The following TTLL10 variants were observed in gnomAD, a reference collection of about 807,000 sequenced individuals.
TTLL10 encodes the protein inactive polyglycylase TTLL10.
TTLL10 carries 61 observed loss-of-function variants against 69.0 expected under a neutral mutation model. The ratio of observed to expected loss-of-function variants is 0.88; its 90% CI spans 0.72 to 1.09. The LOEUF is 1.09. Ranked by LOEUF, TTLL10 falls within the 50% of genes least tolerant of loss-of-function variation. TTLL10 has a pLI of 0.00. For missense variants in TTLL10, 962 were observed against 945.9 expected (o/e 1.02, Z -0.22); for synonymous variants, 408 against 393.3 (o/e 1.04, Z -0.44).
chr1:1,178,300 C>T (rs1646935404), intron 3 of TTLL10, among the ~76,000 whole-genome samples: 1 of 152,178 alleles, frequency 6.6e-6, no homozygotes, highest in African/African-American at 2.4e-5. Flanking sequence ...TGGCTCACAC[C>T]TGTTATCCCA....
At chr1:1,183,378 G>A (rs1453742902) in intron 11 of TTLL10, among the ~76,000 whole-genome samples, 3 of 152,170 alleles carry the variant, frequency 2.0e-5, no homozygotes, top group African/African-American at 7.2e-5. Context: ...GCAGCCTTCA[G>A]GCCTATGGCC....
At chr1:1,191,858 T>C (rs1015036841) in intron 13 of TTLL10, among the ~76,000 whole-genome samples, 1 of 152,278 alleles carries the variant, frequency 6.6e-6, no homozygotes, top group Admixed American at 6.5e-5. Context: ...GTTGGGCTAG[T>C]TAACTGCATC....
chr1:1,194,904 C>T lies in TTLL10; in HGVS notation c.1402-1696C>T, dbSNP rs557174435. Among the ~76,000 whole-genome samples the T allele has an allele frequency of 9.2e-5, 14 of 152,334 alleles. No individual in the cohort carries two copies. In the South Asian group the frequency reaches 2.9e-3, roughly 32 times the overall value. On this transcript the variant is annotated intron_variant, in intron 13 of 15. Transcript: ENST00000379289. Reference sequence around the variant, plus strand: ...TTCTGCTCCTTTCTCTTCTCTCCTTCTGGGACTCCCATTATGCATATGTTG... The same window carrying T: ...TTCTGCTCCTTTCTCTTCTCTCCTTTTGGGACTCCCATTATGCATATGTTG...
At chr1:1,195,228 C>T (rs1011991858) in intron 13 of TTLL10, among the ~76,000 whole-genome samples, 16 of 152,034 alleles carry the variant, frequency 1.1e-4, no homozygotes, top group African/African-American at 2.7e-4. Context: ...TGACCTCAAG[C>T]GATCCCCCTG....
intron 13 of TTLL10, among the ~76,000 whole-genome samples, chr1:1,189,475 A>G (rs1272452269): frequency 1.3e-5 from 2 of 152,206 alleles, no homozygotes; most frequent in Non-Finnish European, 2.9e-5. Flanking sequence ...AAATTTAAAT[A>G]TGCTGTTGGA....
intron 7 of TTLL10, 37 bp from the exon 8 acceptor site, chr1:1,180,694 C>A (rs771073026): frequency 6.3e-7 from 1 of 1,583,810 alleles, no homozygotes. Context: ...CGAGGTCCTG[C>A]GCTCCCTCCA....
intron 15 of TTLL10, 63 bp from the exon 16 acceptor site, chr1:1,197,375 T>TCCCCCCCCCC: frequency 1.4e-5 from 3 of 213,418 alleles, no homozygotes; most frequent in African/African-American, 1.2e-4. Flanking sequence ...CCTCACACCC[T>TCCCCCCCCCC]CCCCACCCCC....
In TTLL10 at chr1:1,184,574, G is replaced by A. The variant is rs549786785; in HGVS notation, c.1261-395G>A. On this transcript the variant is annotated intron_variant, in intron 12 of 15. Transcript: ENST00000379289. ...GGTCTCAGCGGATGAAGGTTTTTGT[G>A]GGAGGGTCTTTGCAGGCAGGTCAGG... 4.6e-4 allele frequency among the ~76,000 whole-genome samples: 70 copies of A among 152,338 alleles called. 1 individual carries two copies. The highest frequency in any genetic ancestry group is 3.4e-3 in the Middle Eastern group (1 of 294).
Position 1,183,925 on chromosome 1 carries a change from T to C in TTLL10, c.1094T>C (p.Ile365Thr). 6.2e-7 allele frequency: 1 copy of C among 1,614,122 alleles called. No individual in the cohort carries two copies. The highest frequency in any genetic ancestry group is 8.5e-7 in the Non-Finnish European group (1 of 1,180,018). The part of the protein sequence containing the change: ...GPQARVVQRY[I>T]QNPLLVDGRK... ...CCCCGACATGGTGCCCCCAGGTACA[T>C]CCAGAACCCGCTGCTGGTGGACGGG... The change falls in exon 12 of 16, where the codon ATC (isoleucine) becomes ACC (threonine). Residue 365 changes from isoleucine to threonine, a missense_variant. By Grantham distance (89) the Ile-to-Thr change is moderately conservative. Transcript: ENST00000379289.
At position 1,181,791 on chromosome 1, in the gene TTLL10, G is replaced by A. The variant is rs762543030; in HGVS notation, c.806G>A (p.Ser269Asn). ...APALEDLPWT[S>N]PGYLRPQRVL... ...GCCCTGGAGGACCTCCCGTGGACAAGCCCAGGATACCTCAGGCCACAGAGG... is the reference window on the plus strand; with the variant it reads ...GCCCTGGAGGACCTCCCGTGGACAAACCCAGGATACCTCAGGCCACAGAGG... Residue 269 changes from serine (S) to asparagine (N), a missense_variant, in exon 9 of 16, where the codon AGC (serine) becomes AAC (asparagine). Coordinates refer to ENST00000379289, the MANE Select transcript of TTLL10 (RefSeq NM_001130045.2). The surrounding 1 kb of genome is among the most constrained non-coding windows in gnomAD (Gnocchi z 4.6). 6.2e-7 allele frequency: 1 copy of A among 1,609,276 alleles called. No individual in the cohort carries two copies. Among genetic ancestry groups the A allele is most frequent in the African/African-American group, 1.3e-5 (1 of 74,914 alleles).
chr1:1,182,313 C>A, intron 9 of TTLL10, 48 bp from the exon 10 acceptor site: 1 of 1,567,458 alleles, frequency 6.4e-7, no homozygotes, highest in Non-Finnish European at 8.8e-7. Flanking sequence ...CCCACCCAGC[C>A]AGGGGCGAAG....
In TTLL10 at chr1:1,179,670, G is replaced by A. The variant is rs60877936; in HGVS notation, c.132G>A (p.Ala44=). ...CCTGCCCTCCAGGGACCATCCCTGC[G>A]TCACGTCTGCACCCAGCACCGGCCT... ...PRARVSGTIP[A]SRLHPAPASQ... The change falls in exon 5 of 16, where the codon GCG becomes GCA. Residue 44 remains alanine, a synonymous_variant. Coordinates refer to ENST00000379289, the MANE Select transcript of TTLL10 (RefSeq NM_001130045.2). 7.0e-5 allele frequency: 109 copies of A among 1,550,900 alleles called. No homozygotes were observed. Among genetic ancestry groups the A allele is most frequent in the South Asian group, 2.0e-4 (17 of 84,058 alleles).
intron 14 of TTLL10, 22 bp downstream of exon 14, chr1:1,196,738 G>A (rs1648240368): frequency 6.7e-7 from 1 of 1,492,972 alleles, no homozygotes; most frequent in Non-Finnish European, 9.1e-7. Context: ...GGCGGCGGGG[G>A]GCACAGTAGA....
Position 1,185,060 on chromosome 1 carries a change from T to C in TTLL10, c.1352T>C (p.Phe451Ser), listed in dbSNP as rs537255304. The C allele has an allele frequency of 1.2e-6, 2 of 1,614,068 alleles. No homozygotes were observed. The highest frequency in any genetic ancestry group is 2.7e-5 in the African/African-American group (2 of 75,060). The change falls in exon 13 of 16, where the codon TTC (phenylalanine) becomes TCC (serine). Residue 451 changes from phenylalanine to serine, a missense_variant. Physicochemically the swap from Phe to Ser is radical, Grantham distance 155 (BLOSUM62 -2). Coordinates refer to ENST00000379289, the MANE Select transcript of TTLL10 (RefSeq NM_001130045.2). This position sits in a 1 kb window ranked among gnomAD's most constrained non-coding sequence, Gnocchi z 6.1. The part of the protein sequence containing the change: ...EHLNRYISDT[F>S]WKARGLAKDW... ...CTCAACCGCTACATCAGTGACACGT[T>C]CTGGAAGGCCCGGGGCCTCGCCAAG...
In TTLL10 at chr1:1,183,967, G is replaced by A. The variant is rs199909291; in HGVS notation, c.1136G>A (p.Arg379His). ...GTGGACGGGAGAAAGTTTGACGTGC[G>A]CTCCTACCTGCTCATTGCCTGCACC... is the stretch of plus-strand genomic sequence containing the variant. ...LLVDGRKFDV[R>H]SYLLIACTTP... Residue 379 changes from arginine to histidine, a missense_variant, in exon 12 of 16, where the codon CGC becomes CAC. Physicochemically the swap from Arg to His is conservative, Grantham distance 29. Coordinates refer to ENST00000379289, the MANE Select transcript of TTLL10 (RefSeq NM_001130045.2). The A allele has an allele frequency of 5.0e-6, 8 of 1,614,058 alleles. No individual in the cohort carries two copies. Among genetic ancestry groups the A allele is most frequent in the Non-Finnish European group, 5.9e-6 (7 of 1,180,036 alleles).
At chr1:1,187,016 C>T (rs61768484) in intron 13 of TTLL10, among the ~76,000 whole-genome samples, 19,736 of 148,958 alleles carry the variant, frequency 0.13, 2,257 homozygotes, top group East Asian at 0.57. Flanking sequence ...CCGGCTAATT[C>T]TTTGTATTTT....
intron 3 of TTLL10, 46 bp from the exon 4 acceptor site, chr1:1,179,143 C>A: frequency 7.6e-7 from 1 of 1,317,294 alleles, no homozygotes; most frequent in Non-Finnish European, 1.0e-6. Flanking sequence ...GGCCTCGGGC[C>A]GCGCGGAGGT....
intron 6 of TTLL10, 26 bp from the exon 7 acceptor site, chr1:1,180,457 G>GGCCC: frequency 6.6e-7 from 1 of 1,520,736 alleles, no homozygotes; most frequent in South Asian, 1.2e-5. Flanking sequence ...CGGCCCCCAG[G>GGCCC]TCACCCCCGC....
intron 13 of TTLL10, 32 bp from the exon 14 acceptor site, chr1:1,196,568 C>G (rs1225857408): frequency 1.3e-6 from 2 of 1,512,718 alleles, no homozygotes; most frequent in Non-Finnish European, 1.8e-6. Flanking sequence ...GCCTACGGGC[C>G]GCAGCCAGGA....
Sources: gnomAD v4.1 joint callset for allele counts (sites outside exome capture counted in the v4.1 genomes callset) on GRCh38, gnomAD v4.1.1 for gene constraint, Gnocchi (gnomAD v3.1) non-coding constraint, MANE v1.5 for transcripts, NCBI Gene and HGNC (gene_info 2026-07-23, HGNC 2026-07-21) for gene names.